The following ATP9B variants were observed in gnomAD, a reference collection of about 807,000 sequenced individuals.
ATP9B encodes probable phospholipid-transporting ATPase IIB.
Under a neutral mutation model 146.1 loss-of-function variants are expected in ATP9B, and 110 were observed. That is an observed-to-expected ratio of 0.75 (90% CI 0.65 to 0.88). The LOEUF is 0.88. Among genes scored for constraint, ATP9B ranks in the 40% least tolerant of loss-of-function variants. The pLI is 0.00. For missense variants in ATP9B, 1,499 were observed against 1,496.4 expected, an observed-to-expected ratio of 1.00 and a Z score of -0.03; for synonymous variants, 604 against 569.7, an observed-to-expected ratio of 1.06 and a Z score of -0.86.
At chr18:79,071,398 C>CTTTTTTTTTTTTTTTTT (rs747150962) in intron 1 of ATP9B, among the ~76,000 whole-genome samples, 337 of 22,254 alleles carry the variant, frequency 0.015, 20 homozygotes, top group Middle Eastern at 0.083. Flanking sequence ...TATTGTTCTT[C>CTTTTTTTTTTTTTTTTT]CTTTTTTTTT....
chr18:79,286,313 C>T (rs1490939253), intron 13 of ATP9B, among the ~76,000 whole-genome samples: 20 of 152,044 alleles, frequency 1.3e-4, no homozygotes, highest in Non-Finnish European at 2.8e-4. Context: ...GTTTGTAGTT[C>T]TCCTTGAAGA....
intron 11 of ATP9B, among the ~76,000 whole-genome samples, chr18:79,231,143 G>C (rs973330172): frequency 1.1e-4 from 16 of 152,082 alleles, no homozygotes; most frequent in African/African-American, 3.9e-4. Context: ...AAGACAGATA[G>C]ATAGACGCGA....
At chr18:79,199,600 T>G (rs968713520) in intron 9 of ATP9B, among the ~76,000 whole-genome samples, 1 of 151,792 alleles carries the variant, frequency 6.6e-6, no homozygotes, top group African/African-American at 2.4e-5. Context: ...CCATCTCTAC[T>G]AAAAATACAA....
Position 79,373,930 on chromosome 18 carries a change from T to C in ATP9B, c.3103T>C (p.Phe1035Leu). The part of the protein sequence containing the change: ...GILMYGALVL[F>L]ESEFVHVVAI... ...CCTCATGTATGGGGCCCTGGTGCTC[T>C]TCGAGTCTGAGTTCGTCCACGTGGT... is the stretch of plus-strand genomic sequence containing the variant. Residue 1035 changes from phenylalanine (F) to leucine (L), a missense_variant, in exon 28 of 30, where the codon TTC (phenylalanine) becomes CTC (leucine). Physicochemically the swap from Phe to Leu is conservative, Grantham distance 22. Coordinates refer to ENST00000426216, the MANE Select transcript of ATP9B (RefSeq NM_198531.5). 6.2e-7 allele frequency: 1 copy of C among 1,613,416 alleles called. No individual in the cohort carries two copies. The highest frequency in any genetic ancestry group is 2.2e-5 in the East Asian group (1 of 44,880).
intron 12 of ATP9B, among the ~76,000 whole-genome samples, chr18:79,256,486 T>C (rs576007742): frequency 6.6e-6 from 1 of 151,346 alleles, no homozygotes; most frequent in Non-Finnish European, 1.5e-5. Flanking sequence ...TGCTGTTTGT[T>C]TTACTTCTAT....
chr18:79,243,961 T>G (rs1157003496), intron 11 of ATP9B, among the ~76,000 whole-genome samples: 1 of 152,232 alleles, frequency 6.6e-6, no homozygotes, highest in African/African-American at 2.4e-5. Context: ...ATTTCTCACT[T>G]TACTGTAGAA....
At chr18:79,081,080 CTT>C (rs1271983873) in intron 1 of ATP9B, among the ~76,000 whole-genome samples, 2 of 152,032 alleles carry the variant, frequency 1.3e-5, no homozygotes, top group African/African-American at 2.4e-5. Context: ...CTGAAATTTT[CTT>C]TTTTTGTTGT....
chr18:79,070,504 CAT>C (rs1159709452), intron 1 of ATP9B, among the ~76,000 whole-genome samples: 4 of 152,182 alleles, frequency 2.6e-5, no homozygotes, highest in Non-Finnish European at 5.9e-5. Flanking sequence ...TACAGTAGAA[CAT>C]GTGTAAGGTG....
chr18:79,200,757 G>A (rs2095472623), intron 9 of ATP9B, among the ~76,000 whole-genome samples: 1 of 152,258 alleles, frequency 6.6e-6, no homozygotes, highest in Non-Finnish European at 1.5e-5. Flanking sequence ...AGGTGGAGGT[G>A]GGAACGTTGG....
At chr18:79,315,435 G>A (rs1480581622) in intron 15 of ATP9B, among the ~76,000 whole-genome samples, 1 of 152,290 alleles carries the variant, frequency 6.6e-6, no homozygotes, top group Non-Finnish European at 1.5e-5. Flanking sequence ...TGATCAAATT[G>A]CATCTTATGT....
intron 4 of ATP9B, among the ~76,000 whole-genome samples, chr18:79,125,543 T>G (rs637413): frequency 0.061 from 9,259 of 152,306 alleles, 362 homozygotes; most frequent in Non-Finnish European, 0.092. Context: ...ATTTACAGTT[T>G]TGACTGAAGC....
chr18:79,349,139 C>T (rs970242864), intron 25 of ATP9B, among the ~76,000 whole-genome samples: 1 of 152,192 alleles, frequency 6.6e-6, no homozygotes, highest in East Asian at 1.9e-4. Flanking sequence ...CTCTTTTCCT[C>T]CTCCTCTGTG....
At chr18:79,071,193 GTGTATTGC>G (rs1329169743) in intron 1 of ATP9B, among the ~76,000 whole-genome samples, 3 of 151,052 alleles carry the variant, frequency 2.0e-5, no homozygotes, top group African/African-American at 7.3e-5. Flanking sequence ...TATCACCATG[GTGTATTGC>G]TGTATTTCAC....
chr18:79,329,397 A>T, intron 16 of ATP9B, 95 bp downstream of exon 16: 17 of 1,321,616 alleles, frequency 1.3e-5, no homozygotes, highest in South Asian at 5.6e-5. Context: ...TTAAACATTT[A>T]CTCAGGTGCT....
intron 25 of ATP9B, among the ~76,000 whole-genome samples, chr18:79,356,320 C>T (rs561128149): frequency 6.6e-6 from 1 of 151,644 alleles, no homozygotes; most frequent in Non-Finnish European, 1.5e-5. Context: ...CGTTTATACC[C>T]TCTCACTCGG....
rs187488157 is a variant in ATP9B at position 79,291,265 on chromosome 18, C to T, written c.1412-12339C>T. Among the ~76,000 whole-genome samples the T allele has an allele frequency of 2.5e-3, 386 of 152,080 alleles. 7 individuals carry two copies. The highest frequency in any genetic ancestry group is 0.023 in the Admixed American group (355 of 15,270). Reference sequence around the variant, plus strand: ...CCGAGTCTGCTGTGAATCTCTTTGACGTGACGGCACTCTTACTCTCTGGCT... The same window carrying T: ...CCGAGTCTGCTGTGAATCTCTTTGATGTGACGGCACTCTTACTCTCTGGCT... On this transcript the variant is annotated intron_variant, in intron 13 of 29. Coordinates refer to ENST00000426216, the MANE Select transcript of ATP9B (RefSeq NM_198531.5).
intron 15 of ATP9B, among the ~76,000 whole-genome samples, chr18:79,324,346 G>A (rs1472040951): frequency 1.3e-5 from 2 of 152,124 alleles, no homozygotes; most frequent in African/African-American, 2.4e-5. Context: ...TTGGTTGCCT[G>A]TGCTTTTGAG....
At chr18:79,100,066 G>T (rs1474059730) in intron 2 of ATP9B, among the ~76,000 whole-genome samples, 3 of 152,190 alleles carry the variant, frequency 2.0e-5, no homozygotes, top group African/African-American at 7.2e-5. Flanking sequence ...GGCGGCGGTT[G>T]CAGTGAGCCG....
chr18:79,144,721 T>C (rs1239695439), intron 6 of ATP9B: 1 of 135,892 alleles, frequency 7.4e-6, no homozygotes, highest in East Asian at 2.3e-4. Flanking sequence ...ACTGTCTTTT[T>C]TTATTTTTGT....
Sources: allele counts gnomAD v4.1 joint callset (sites outside exome capture counted in the v4.1 genomes callset), GRCh38; gene constraint gnomAD v4.1.1; transcripts MANE v1.5; gene names NCBI Gene and HGNC (gene_info 2026-07-23, HGNC 2026-07-21).